The following SYNPR variants were observed in gnomAD, a reference collection of about 807,000 sequenced individuals.
SYNPR encodes the protein synaptoporin.
In SYNPR, 23 loss-of-function variants were observed where a neutral mutation model predicts 32.9. The observed-to-expected ratio is 0.70, with a 90% CI of 0.50 to 0.99. The LOEUF is 0.99. Ranked by LOEUF, SYNPR falls within the 50% of genes least tolerant of loss-of-function variation. The probability of loss-of-function intolerance (pLI) is 0.00; values close to 1 mark genes in which losing one functional copy is unlikely to be tolerated. For missense variants in SYNPR, 318 were observed against 349.3 expected, an observed-to-expected ratio of 0.91 and a Z score of 0.71; for synonymous variants, 146 against 135.9, an observed-to-expected ratio of 1.07 and a Z score of -0.52.
chr3:63,550,488 A>ATT (rs11441487), intron 3 of SYNPR, among the ~76,000 whole-genome samples: 3 of 151,492 alleles, frequency 2.0e-5, no homozygotes, highest in Non-Finnish European at 2.9e-5. Context: ...TCTTTTAGTA[A>ATT]TTTTTTTTGT....
At chr3:63,574,519 A>G (rs1333911913) in intron 4 of SYNPR, among the ~76,000 whole-genome samples, 1 of 152,176 alleles carries the variant, frequency 6.6e-6, no homozygotes, top group Non-Finnish European at 1.5e-5. Flanking sequence ...TGGCAATGGG[A>G]TACTGCTAAA....
intron 4 of SYNPR, among the ~76,000 whole-genome samples, chr3:63,597,119 G>T (rs1699973653): frequency 6.6e-6 from 1 of 151,818 alleles, no homozygotes; most frequent in Admixed American, 6.6e-5. Context: ...TTTAACTGTG[G>T]CTACTTTAAA....
intron 2 of SYNPR, among the ~76,000 whole-genome samples, chr3:63,439,365 G>C (rs1419872432): frequency 6.6e-6 from 1 of 152,190 alleles, no homozygotes; most frequent in African/African-American, 2.4e-5. Context: ...TAGCAACAAT[G>C]TGAATATCAT....
At chr3:63,585,821 T>A (rs538548893) in intron 4 of SYNPR, among the ~76,000 whole-genome samples, 1 of 152,080 alleles carries the variant, frequency 6.6e-6, no homozygotes, top group African/African-American at 2.4e-5. Flanking sequence ...TTATTTCAAC[T>A]GAGGAAATAA....
At chr3:63,266,151 G>A (rs2086483717) in intron 2 of SYNPR, among the ~76,000 whole-genome samples, 1 of 152,100 alleles carries the variant, frequency 6.6e-6, no homozygotes, top group African/African-American at 2.4e-5. Context: ...GATGTGAAAG[G>A]GAAACAAACC....
chr3:63,329,665 A>T (rs1482878089), intron 2 of SYNPR, among the ~76,000 whole-genome samples: 1 of 152,186 alleles, frequency 6.6e-6, no homozygotes, highest in Non-Finnish European at 1.5e-5. Context: ...AGTCCCCTTC[A>T]ACTCACGAAT....
intron 2 of SYNPR, among the ~76,000 whole-genome samples, chr3:63,474,602 A>G (rs1268097034): frequency 1.3e-5 from 2 of 151,858 alleles, no homozygotes. Context: ...GTATGTTCAT[A>G]GCTTGGAATT....
chr3:63,262,511 A>G (rs1003620752), intron 2 of SYNPR, among the ~76,000 whole-genome samples: 1 of 151,866 alleles, frequency 6.6e-6, no homozygotes, highest in African/African-American at 2.4e-5. Context: ...GTGATACTGT[A>G]TCCTTCCAGG....
At chr3:63,520,183 T>C (rs1701878970) in intron 3 of SYNPR, among the ~76,000 whole-genome samples, 1 of 152,192 alleles carries the variant, frequency 6.6e-6, no homozygotes, top group African/African-American at 2.4e-5. Context: ...CTTTCTTCTC[T>C]CATTAGCAAA....
At chr3:63,330,908 G>A (rs1293526268) in intron 2 of SYNPR, among the ~76,000 whole-genome samples, 1 of 152,018 alleles carries the variant, frequency 6.6e-6, no homozygotes, top group Non-Finnish European at 1.5e-5. Context: ...ATTAGATAAG[G>A]AAGAAAAGTT....
In SYNPR at chr3:63,384,939, T is replaced by C. The variant is rs182283046; in HGVS notation, c.85-95893T>C. 2.8e-3 allele frequency among the ~76,000 whole-genome samples: 431 copies of C among 152,294 alleles called. 1 individual carries two copies. Among genetic ancestry groups the C allele is most frequent in the Non-Finnish European group, 4.4e-3 (301 of 68,002 alleles). ...AGCTCTTACCCTCTATTCAGACCTATATTTGAATTTAATAGTTTAGGAGGC... is the reference window on the plus strand; with the variant it reads ...AGCTCTTACCCTCTATTCAGACCTACATTTGAATTTAATAGTTTAGGAGGC... On this transcript the variant is annotated intron_variant, in intron 2 of 5. Coordinates refer to ENST00000478300, the MANE Select transcript of SYNPR (RefSeq NM_001130003.2).
At chr3:63,352,580 G>T (rs536161765) in intron 2 of SYNPR, among the ~76,000 whole-genome samples, 2 of 152,290 alleles carry the variant, frequency 1.3e-5, no homozygotes, top group African/African-American at 4.8e-5. Flanking sequence ...GGACATTGAT[G>T]AACAAGACCC....
At chr3:63,381,781 C>T (rs1330844542) in intron 2 of SYNPR, among the ~76,000 whole-genome samples, 3 of 152,138 alleles carry the variant, frequency 2.0e-5, no homozygotes, top group Admixed American at 6.6e-5. Context: ...CTCTGACTCC[C>T]TCTGTTTATT....
chr3:63,570,846 G>A (rs528624350), intron 4 of SYNPR, among the ~76,000 whole-genome samples: 1 of 152,244 alleles, frequency 6.6e-6, no homozygotes, highest in Non-Finnish European at 1.5e-5. Context: ...TCCCCTAAAG[G>A]CAGTATTTAA....
chr3:63,555,979 G>C (rs2106827233), intron 3 of SYNPR, among the ~76,000 whole-genome samples: 1 of 152,332 alleles, frequency 6.6e-6, no homozygotes, highest in African/African-American at 2.4e-5. Flanking sequence ...CATCTCTCAG[G>C]AGATGTTGAG....
At chr3:63,340,094 G>A (rs2087345436) in intron 2 of SYNPR, among the ~76,000 whole-genome samples, 1 of 152,026 alleles carries the variant, frequency 6.6e-6, no homozygotes, top group African/African-American at 2.4e-5. Flanking sequence ...TGTAACCCTT[G>A]GGGACTGGAG....
At chr3:63,256,935 C>A (rs1421129089) in intron 2 of SYNPR, among the ~76,000 whole-genome samples, 2 of 152,038 alleles carry the variant, frequency 1.3e-5, no homozygotes, top group Non-Finnish European at 2.9e-5. Context: ...CAAGCCTCAG[C>A]AGCCAATTCG....
Position 63,278,675 on chromosome 3 carries a change from A to G in SYNPR, c.19-2A>G. 6.4e-7 allele frequency: 1 copy of G among 1,551,638 alleles called. No homozygotes were observed. Among genetic ancestry groups the G allele is most frequent in the Non-Finnish European group, 8.7e-7 (1 of 1,146,978 alleles). ...TCTCTCTCTCGCCTCATTCCCCCAA[A>G]GCTGGCCTCTGCGGGCACCTTCCGG... On this transcript the variant is annotated splice_acceptor_variant, in intron 1 of 5. Coordinates refer to ENST00000478300, the MANE Select transcript of SYNPR (RefSeq NM_001130003.2). LOFTEE classifies it high-confidence loss of function.
intron 2 of SYNPR, among the ~76,000 whole-genome samples, chr3:63,412,076 G>A (rs934503731): frequency 6.6e-6 from 1 of 152,066 alleles, no homozygotes; most frequent in African/African-American, 2.4e-5. Context: ...TGGAGATAGA[G>A]TTAGGAAGCA....
Sources: gnomAD v4.1 joint callset for allele counts (sites outside exome capture counted in the v4.1 genomes callset) on GRCh38, gnomAD v4.1.1 for gene constraint, MANE v1.5 for transcripts, NCBI Gene and HGNC (gene_info 2026-07-23, HGNC 2026-07-21) for gene names.